CTBP2: variants seen among roughly 807,000 people sequenced by gnomAD.
CTBP2 encodes the protein C-terminal-binding protein 2.
In CTBP2, 30 loss-of-function variants were observed where a neutral mutation model predicts 80.3. That is an observed-to-expected ratio of 0.37 (90% CI 0.28 to 0.51). The LOEUF (loss-of-function observed/expected upper bound fraction) is 0.51. Among genes scored for constraint, CTBP2 ranks in the 20% least tolerant of loss-of-function variants. CTBP2 has a pLI of 0.93. For missense variants in CTBP2, 1,212 were observed against 1,375.3 expected (o/e 0.88, Z 1.88); for synonymous variants, 594 against 587.4 (o/e 1.01, Z -0.16).
intron 2 of CTBP2, among the ~76,000 whole-genome samples, chr10:125,063,499 T>C (rs998751804): frequency 6.6e-6 from 1 of 152,204 alleles, no homozygotes; most frequent in Non-Finnish European, 1.5e-5. Context: ...TGCACGATCC[T>C]TTCTTGCTGT....
chr10:125,089,520 A>G (rs1320021216), intron 2 of CTBP2, among the ~76,000 whole-genome samples: 1 of 152,096 alleles, frequency 6.6e-6, no homozygotes, highest in South Asian at 2.1e-4. Context: ...GTTTCTGGCC[A>G]CTGTTTGGGC....
chr10:125,151,286 G>C (rs1859817170), intron 1 of CTBP2, among the ~76,000 whole-genome samples: 1 of 152,160 alleles, frequency 6.6e-6, no homozygotes, highest in South Asian at 2.1e-4. Flanking sequence ...ACAACCTCTA[G>C]TCACATGCCT....
At chr10:125,068,480 T>C (rs1318648068) in intron 2 of CTBP2, among the ~76,000 whole-genome samples, 3 of 152,244 alleles carry the variant, frequency 2.0e-5, no homozygotes, top group African/African-American at 4.8e-5. Context: ...TAAGGTTTAC[T>C]GAGCAATGAA....
rs908014194 is a variant in CTBP2, at chr10:124,988,638, C to T, written c.*880G>A. ...TTGTTAAAATCAGTCACATCTAATA[C>T]ATCTGAAGTGTTCTTGTATAAAATA... is the stretch of plus-strand genomic sequence containing the variant. On this transcript the variant is annotated 3_prime_UTR_variant, in exon 9 of 9. Coordinates refer to ENST00000309035, the MANE Select transcript of CTBP2 (RefSeq NM_022802.3). 1.3e-5 allele frequency: 2 copies of T among 150,702 alleles called. No homozygotes were observed. Among genetic ancestry groups the T allele is most frequent in the Non-Finnish European group, 3.0e-5 (2 of 67,520 alleles). The allele number at this position is 150,702 out of a possible 1,614,324, so 9.3% of individuals were successfully genotyped here. A position where few individuals can be genotyped will look rare whatever the true frequency, so the allele number is the denominator to read the frequency against.
intron 1 of CTBP2, among the ~76,000 whole-genome samples, chr10:125,142,929 A>C (rs1251116893): frequency 2.0e-5 from 3 of 152,134 alleles, no homozygotes; most frequent in Non-Finnish European, 2.9e-5. Context: ...AGGACATGGG[A>C]GCTGAAAGGA....
At chr10:125,054,724 A>G (rs1963507909) in intron 2 of CTBP2, among the ~76,000 whole-genome samples, 2 of 149,150 alleles carry the variant, frequency 1.3e-5, no homozygotes, top group African/African-American at 2.6e-5. Context: ...GAAAAGATAA[A>G]AACAGTAATA....
In CTBP2 at chr10:125,024,163, A is replaced by C. The variant is rs1206996584; in HGVS notation, c.1678+1919T>G. Among the ~76,000 whole-genome samples the C allele has an allele frequency of 1.3e-5, 2 of 152,186 alleles. 1 individual carries two copies. The highest frequency in any genetic ancestry group is 2.9e-5 in the Non-Finnish European group (2 of 68,028). On this transcript the variant is annotated intron_variant, in intron 1 of 8. Transcript: ENST00000309035. ...TGTGACTGCGGATTCTGTGGAACCT[A>C]CTGTACAAAACGTACAGCCATGTAC... is the stretch of plus-strand genomic sequence containing the variant.
At chr10:125,008,868 G>A (rs1955548949) in intron 1 of CTBP2, among the ~76,000 whole-genome samples, 1 of 152,232 alleles carries the variant, frequency 6.6e-6, no homozygotes, top group African/African-American at 2.4e-5. Context: ...GCCTTAGCAT[G>A]CTTATACTGG....
At chr10:125,015,640 T>C (rs1325969523) in intron 1 of CTBP2, among the ~76,000 whole-genome samples, 2 of 152,172 alleles carry the variant, frequency 1.3e-5, no homozygotes, top group Non-Finnish European at 2.9e-5. Context: ...GCCTCAGTGC[T>C]CCCCGAAGCA....
intron 1 of CTBP2, among the ~76,000 whole-genome samples, chr10:125,014,431 G>A (rs990419159): frequency 1.3e-5 from 2 of 152,232 alleles, no homozygotes; most frequent in African/African-American, 4.8e-5. Context: ...CAGCCTGGGT[G>A]ACAGAGTGAG....
chr10:125,056,603 G>A (rs1290415612), intron 2 of CTBP2, among the ~76,000 whole-genome samples: 2 of 152,198 alleles, frequency 1.3e-5, no homozygotes, highest in African/African-American at 4.8e-5. Context: ...CTAGTCACCC[G>A]CCAGCCCCAC....
Position 125,027,937 on chromosome 10 carries a change from C to T in CTBP2, c.-178G>A. The stretch of plus-strand genomic sequence containing the variant: ...AATTATTAATCCTCCGAAACCTTAG[C>T]AGACAAAACATAAGACTCACGGTAA... On this transcript the variant is annotated 5_prime_UTR_variant, in exon 1 of 9. Coordinates refer to ENST00000309035, the MANE Select transcript of CTBP2 (RefSeq NM_022802.3). 1 of 1,415,976 alleles carries T rather than the reference C, an allele frequency of 7.1e-7. No individual in the cohort carries two copies. The highest frequency in any genetic ancestry group is 9.2e-7 in the Non-Finnish European group (1 of 1,088,878). 87.7% of individuals were successfully genotyped at this position (1,415,976 alleles called of 1,614,324 possible). A position where few individuals can be genotyped will look rare whatever the true frequency, so the allele number is the denominator to read the frequency against.
At chr10:125,043,175 A>G (rs1037916259) in intron 2 of CTBP2, among the ~76,000 whole-genome samples, 4 of 152,234 alleles carry the variant, frequency 2.6e-5, no homozygotes, top group African/African-American at 9.6e-5. Flanking sequence ...ACGTGAGAGA[A>G]CAAAAAGGAA....
chr10:125,069,027 T>G (rs965521060), intron 2 of CTBP2, among the ~76,000 whole-genome samples: 1 of 152,104 alleles, frequency 6.6e-6, no homozygotes, highest in African/African-American at 2.4e-5. Context: ...AAGGGAACGA[T>G]GCACTCACAG....
intron 2 of CTBP2, among the ~76,000 whole-genome samples, chr10:125,092,351 C>T (rs1422333108): frequency 6.6e-6 from 1 of 151,880 alleles, no homozygotes; most frequent in African/African-American, 2.4e-5. Context: ...CCATCACACC[C>T]AGCTCATTTT....
chr10:125,001,712 G>T (rs531417235), intron 3 of CTBP2, among the ~76,000 whole-genome samples: 2 of 152,312 alleles, frequency 1.3e-5, no homozygotes, highest in African/African-American at 4.8e-5. Flanking sequence ...CCTGACCCCT[G>T]TGAGTGTACG....
upstream of CTBP2, among the ~76,000 whole-genome samples, chr10:125,031,047 G>A (rs1484655045): frequency 6.6e-6 from 1 of 152,200 alleles, no homozygotes; most frequent in Non-Finnish European, 1.5e-5. Flanking sequence ...GGCTGCAGAA[G>A]TTAGCGGGTA....
At chr10:125,104,702 C>T (rs1014591203) in intron 2 of CTBP2, among the ~76,000 whole-genome samples, 2 of 152,202 alleles carry the variant, frequency 1.3e-5, no homozygotes, top group African/African-American at 4.8e-5. Context: ...CTAGGGGAAT[C>T]ATCTTAATTG....
intron 2 of CTBP2, among the ~76,000 whole-genome samples, chr10:125,083,513 A>T (rs1847495928): frequency 6.6e-6 from 1 of 152,328 alleles, no homozygotes; most frequent in South Asian, 2.1e-4. Flanking sequence ...CAAAAAAGGA[A>T]AAGATACCAC....
Sources: allele counts gnomAD v4.1 joint callset (sites outside exome capture counted in the v4.1 genomes callset), GRCh38; gene constraint gnomAD v4.1.1; transcripts MANE v1.5; gene names NCBI Gene and HGNC (gene_info 2026-07-23, HGNC 2026-07-21).